Variants in TASOR2 observed in about 807,000 individuals in gnomAD.
TASOR2 encodes transcription activation suppressor family member 2, also known as protein TASOR 2.
A neutral mutation model predicts 199.5 loss-of-function variants in TASOR2; 84 were observed. The ratio of observed to expected loss-of-function variants is 0.42; its 90% CI spans 0.35 to 0.50. TASOR2 has a LOEUF of 0.50. Ranked by LOEUF, TASOR2 falls within the 20% of genes least tolerant of loss-of-function variation. The pLI is 0.02. For synonymous variants in TASOR2, 1,103 were observed against 1,046.6 expected (o/e 1.05, Z -1.04); for missense variants, 2,796 against 2,835.9 (o/e 0.99, Z 0.32).
intron 1 of TASOR2, among the ~76,000 whole-genome samples, chr10:5,697,373 C>T (rs186491036): frequency 2.3e-4 from 35 of 152,238 alleles, no homozygotes; most frequent in South Asian, 8.3e-4. Flanking sequence ...GATAAAGTTG[C>T]GCAGAAGAAG....
exon 12 of TASOR2, chr10:5,735,377 T>A: frequency 6.2e-7 from 1 of 1,614,130 alleles, no homozygotes; most frequent in Non-Finnish European, 8.5e-7. Context: ...CTCCTATTTC[T>A]AAAGATGTTC....
At chr10:5,709,763 A>T (rs1831672649) in intron 1 of TASOR2, 6 of 1,059,936 alleles carry the variant, frequency 5.7e-6, no homozygotes, top group Non-Finnish European at 7.2e-6. Flanking sequence ...AAACAAAAAG[A>T]CTTTAAAAAA....
intron 1 of TASOR2, among the ~76,000 whole-genome samples, chr10:5,700,342 A>G (rs952120849): frequency 2.0e-5 from 3 of 152,170 alleles, no homozygotes; most frequent in Middle Eastern, 3.4e-3. Context: ...GTTGATGGAC[A>G]CTGAGGTTGA....
chr10:5,758,106 A>G (rs1013189336), intron 17 of TASOR2, among the ~76,000 whole-genome samples: 2 of 152,202 alleles, frequency 1.3e-5, no homozygotes, highest in Non-Finnish European at 2.9e-5. Flanking sequence ...AGCTTATTTA[A>G]TCATCTACTT....
At chr10:5,686,238 A>G (rs1052725220) in intron 1 of TASOR2, among the ~76,000 whole-genome samples, 4 of 152,246 alleles carry the variant, frequency 2.6e-5, no homozygotes, top group South Asian at 4.1e-4. Flanking sequence ...TATACAGAAC[A>G]TTTGCCCAAA....
At position 5,699,077 on chromosome 10, in the gene TASOR2, C is replaced by T. The variant is rs560987810; in HGVS notation, c.-287-13746C>T. Among the ~76,000 whole-genome samples the T allele has an allele frequency of 6.6e-6, 1 of 152,204 alleles. No homozygotes were observed. Among genetic ancestry groups the T allele is most frequent in the African/African-American group, 2.4e-5 (1 of 41,526 alleles). ...ATAATAGCCAAAATGTAGAAACAACCCAAATGTGCATCAGTTGATGGATAA... is the reference window on the plus strand; with the variant it reads ...ATAATAGCCAAAATGTAGAAACAACTCAAATGTGCATCAGTTGATGGATAA... On this transcript the variant is annotated intron_variant, in intron 1 of 20. Transcript: ENST00000328090. The surrounding 1 kb of genome is among the most constrained non-coding windows in gnomAD (Gnocchi z 4.1).
At chr10:5,744,162 G>T (rs539043108) in intron 14 of TASOR2, 1 of 152,304 alleles carries the variant, frequency 6.6e-6, no homozygotes, top group East Asian at 1.9e-4. Context: ...TTAGGACTGA[G>T]GCTAAACGTT....
At chr10:5,739,851 T>C in exon 13 of TASOR2, 2 of 1,614,218 alleles carry the variant, frequency 1.2e-6, no homozygotes, top group Non-Finnish European at 1.7e-6. Context: ...TCACTGTTCC[T>C]CTGAATTGCC....
chr10:5,716,552 T>C (rs900472006), intron 2 of TASOR2, among the ~76,000 whole-genome samples: 2 of 152,146 alleles, frequency 1.3e-5, no homozygotes, highest in African/African-American at 4.8e-5. Flanking sequence ...CATTTCATTA[T>C]GAAAAATTCA....
At position 5,740,153 on chromosome 10, in the gene TASOR2, A is replaced by G. The variant is rs1173850394; in HGVS notation, c.1983A>G (p.Thr661=). Residue 661 remains threonine (T), a synonymous_variant, in exon 13 of 21, where the codon ACA becomes ACG. Coordinates refer to ENST00000328090, the Ensembl canonical transcript of TASOR2. The surrounding 1 kb of genome is among the most constrained non-coding windows in gnomAD (Gnocchi z 5.3). ...AACATTCATATGCCCTGCTCCTTAC[A>G]GAACATTCAAAGAAACATCTACAGG... The G allele has an allele frequency of 1.2e-6, 2 of 1,614,230 alleles. No homozygotes were observed. The highest frequency in any genetic ancestry group is 1.1e-5 in the South Asian group (1 of 91,086).
At chr10:5,743,739 C>T (rs915843481) in intron 14 of TASOR2, 5 of 152,118 alleles carry the variant, frequency 3.3e-5, no homozygotes, top group Non-Finnish European at 5.9e-5. Flanking sequence ...TACCATTTGT[C>T]GTGGTAATAT....
chr10:5,724,597 G>A (rs981713027), intron 8 of TASOR2, 64 bp downstream of exon 9: 30 of 309,626 alleles, frequency 9.7e-5, no homozygotes, highest in Middle Eastern at 1.2e-3. Context: ...TATTAGTTGT[G>A]CCTAGATGGC....
At chr10:5,729,560 T>C (rs756167472) in intron 10 of TASOR2, among the ~76,000 whole-genome samples, 1 of 152,242 alleles carries the variant, frequency 6.6e-6, no homozygotes, top group Non-Finnish European at 1.5e-5. Flanking sequence ...ATTTTTATTT[T>C]GATATCTGGC....
rs371347987 is a variant in TASOR2, at chr10:5,748,824, C to G, written c.5403C>G (p.Leu1801=). The change falls in exon 15 of 21, where the codon CTC becomes CTG. Residue 1801 remains leucine, a synonymous_variant. Coordinates refer to ENST00000328090, the Ensembl canonical transcript of TASOR2. This position sits in a 1 kb window ranked among gnomAD's most constrained non-coding sequence, Gnocchi z 5.1. ...AAATTGAGAACAGTGGGGAGGGGCT[C>G]AGGGCTGAGGCTGGTTCTGAAACCC... 8.1e-5 allele frequency: 130 copies of G among 1,614,132 alleles called. No homozygotes were observed. The African/African-American group carries it at 1.6e-3, about 20-fold the overall frequency.
chr10:5,686,791 T>G (rs1835865081), intron 1 of TASOR2, among the ~76,000 whole-genome samples: 1 of 152,248 alleles, frequency 6.6e-6, no homozygotes, highest in Non-Finnish European at 1.5e-5. Context: ...GGTCATATCA[T>G]TTGCTGATGT....
chr10:5,734,996 A>G (rs1264131534), intron 11 of TASOR2, among the ~76,000 whole-genome samples: 3 of 151,704 alleles, frequency 2.0e-5, no homozygotes, highest in Admixed American at 1.3e-4. Flanking sequence ...TCCCAGCCCA[A>G]AGTTTTGTTT....
exon 13 of TASOR2, chr10:5,739,691 T>C (rs1446818989): frequency 1.2e-6 from 2 of 1,614,072 alleles, no homozygotes; most frequent in Non-Finnish European, 1.7e-6. Context: ...TTAGCATAAA[T>C]AGTGTTCAAC....
exon 15 of TASOR2, chr10:5,747,774 A>G: frequency 1.2e-6 from 2 of 1,614,106 alleles, no homozygotes; most frequent in Non-Finnish European, 1.7e-6. Flanking sequence ...TAACAGAAAA[A>G]GAAAATGTTT....
exon 13 of TASOR2, chr10:5,739,746 A>G (rs373759852): frequency 3.7e-6 from 6 of 1,614,064 alleles, no homozygotes; most frequent in African/African-American, 1.3e-5. Context: ...TGAAAACTCC[A>G]TCGTCAACTA....
Sources: allele counts gnomAD v4.1 joint callset (sites outside exome capture counted in the v4.1 genomes callset), GRCh38; gene constraint gnomAD v4.1.1; non-coding constraint Gnocchi (gnomAD v3.1); transcripts MANE v1.5; gene names NCBI Gene and HGNC (gene_info 2026-07-23, HGNC 2026-07-21).